The following MAML2 variants were observed in gnomAD, a reference collection of about 807,000 sequenced individuals.
MAML2 encodes mastermind like transcriptional coactivator 2, also known as mastermind-like protein 2.
Under a neutral mutation model 96.1 loss-of-function variants are expected in MAML2, and 22 were observed. That is an observed-to-expected ratio of 0.23 (90% CI 0.16 to 0.33). The LOEUF is 0.33. Among genes scored for constraint, MAML2 ranks in the 10% least tolerant of loss-of-function variants. MAML2 has a pLI of 1.00. For missense variants in MAML2, 1,367 were observed against 1,392.4 expected (o/e 0.98, Z 0.29); for synonymous variants, 561 against 521.3 (o/e 1.08, Z -1.04).
In MAML2 at chr11:95,998,174, G is replaced by GTCTGTCTA. The variant is rs139615820; in HGVS notation, c.2140-6452_2140-6451insTAGACAGA. On this transcript the variant is annotated intron_variant, in intron 2 of 4. Coordinates refer to ENST00000524717, the MANE Select transcript of MAML2 (RefSeq NM_032427.4). ...TGTCTGTCTGTCTGTCTGTCTGTCTGTCTATCTATCTATCCACCCCATCCA... is the reference window on the plus strand; with the variant it reads ...TGTCTGTCTGTCTGTCTGTCTGTCTGTCTGTCTATCTATCTATCTATCCACCCCATCCA... Among the ~76,000 whole-genome samples the GTCTGTCTA allele has an allele frequency of 7.3e-3, 1,082 of 147,726 alleles. 7 individuals are homozygous for GTCTGTCTA. Among genetic ancestry groups the GTCTGTCTA allele is most frequent in the Middle Eastern group, 0.032 (9 of 284 alleles).
At chr11:96,325,630 T>G (rs11021538) in intron 1 of MAML2, among the ~76,000 whole-genome samples, 55,393 of 150,730 alleles carry the variant, frequency 0.37, 10,149 homozygotes, top group African/African-American at 0.42. Context: ...CACTGATCAT[T>G]TTTTTTTTTC....
At chr11:96,002,737 A>AGATGATGGGGATGATGAGGAG (rs2135719370) in intron 2 of MAML2, among the ~76,000 whole-genome samples, 1 of 130,760 alleles carries the variant, frequency 7.6e-6, no homozygotes, top group East Asian at 2.6e-4. Flanking sequence ...ATGATAAGAA[A>AGATGATGGGGATGATGAGGAG]GATGATCGGG....
chr11:96,217,064 C>T (rs1163437040), intron 1 of MAML2, among the ~76,000 whole-genome samples: 1 of 152,104 alleles, frequency 6.6e-6, no homozygotes, highest in Non-Finnish European at 1.5e-5. Context: ...AGAAGCAGAC[C>T]AATATGTTCG....
chr11:96,226,704 T>C (rs1450922202), intron 1 of MAML2, among the ~76,000 whole-genome samples: 1 of 152,226 alleles, frequency 6.6e-6, no homozygotes, highest in African/African-American at 2.4e-5. Flanking sequence ...AATTCTTAAT[T>C]GAGCATATCA....
chr11:96,037,795 C>T (rs1858742450), intron 2 of MAML2, among the ~76,000 whole-genome samples: 1 of 152,172 alleles, frequency 6.6e-6, no homozygotes, highest in Non-Finnish European at 1.5e-5. Flanking sequence ...AGCTTTGTTT[C>T]TGTTTCCTTG....
chr11:96,086,380 A>G (rs114563436), intron 2 of MAML2, among the ~76,000 whole-genome samples: 2,389 of 152,274 alleles, frequency 0.016, 68 homozygotes, highest in African/African-American at 0.053. Flanking sequence ...AGAATGAATG[A>G]ATTTTCTTTA....
chr11:95,991,659 G>C lies in MAML2; in HGVS notation c.2204C>G (p.Pro735Arg). The C allele has an allele frequency of 6.2e-7, 1 of 1,613,764 alleles. No homozygotes were observed. Among genetic ancestry groups the C allele is most frequent in the Non-Finnish European group, 8.5e-7 (1 of 1,179,742 alleles). The stretch of plus-strand genomic sequence containing the variant: ...GTTCATGTAACCACTTCCAGTGTTT[G>C]GATTTGAGCAGGGGTTAGGACTTGG... The part of the protein sequence containing the change: ...PSPSPNPCSN[P>R]NTGSGYMNSQ... The change falls in exon 3 of 5, where the codon CCA becomes CGA. Residue 735 changes from proline to arginine, a missense_variant. By Grantham distance (103) the Pro-to-Arg change is moderately radical. Coordinates refer to ENST00000524717, the MANE Select transcript of MAML2 (RefSeq NM_032427.4).
At chr11:96,035,903 C>T (rs1858703969) in intron 2 of MAML2, among the ~76,000 whole-genome samples, 1 of 152,164 alleles carries the variant, frequency 6.6e-6, no homozygotes, top group South Asian at 2.1e-4. Flanking sequence ...CTCTCTGATA[C>T]ACGTGCTGGG....
intron 2 of MAML2, among the ~76,000 whole-genome samples, chr11:96,026,313 T>C (rs1203133264): frequency 2.0e-5 from 3 of 152,232 alleles, no homozygotes; most frequent in East Asian, 1.9e-4. Flanking sequence ...ATTTTGAATA[T>C]AAGGTGAGTT....
chr11:95,986,612 A>C (rs1857833616), intron 3 of MAML2, among the ~76,000 whole-genome samples: 1 of 152,186 alleles, frequency 6.6e-6, no homozygotes, highest in Non-Finnish European at 1.5e-5. Context: ...TTACCTTCGC[A>C]TAAACAATTC....
At chr11:96,235,230 T>C (rs1000252107) in intron 1 of MAML2, among the ~76,000 whole-genome samples, 51 of 152,270 alleles carry the variant, frequency 3.3e-4, no homozygotes, top group Non-Finnish European at 6.9e-4. Flanking sequence ...ATCAGCAAAC[T>C]ATGACTCAAG....
chr11:96,182,452 C>T (rs1193444219), intron 1 of MAML2, among the ~76,000 whole-genome samples: 2 of 152,120 alleles, frequency 1.3e-5, no homozygotes, highest in Admixed American at 6.5e-5. Context: ...ATCTGATTGA[C>T]ATGATTTCCC....
intron 1 of MAML2, among the ~76,000 whole-genome samples, chr11:96,322,883 G>C (rs1170139493): frequency 6.6e-6 from 1 of 152,184 alleles, no homozygotes; most frequent in East Asian, 1.9e-4. Context: ...GTAGAGTGGA[G>C]AATCACAGTG....
chr11:96,270,151 C>A (rs541785476), intron 1 of MAML2, among the ~76,000 whole-genome samples: 7 of 110,478 alleles, frequency 6.3e-5, no homozygotes, highest in African/African-American at 2.8e-4. Flanking sequence ...TAAAGAGCAA[C>A]CCCATCCTTG....
At chr11:95,980,074 T>G (rs1431148934) in intron 4 of MAML2, 111 bp from the exon 5 acceptor site, 1 of 787,636 alleles carries the variant, frequency 1.3e-6, no homozygotes, top group Admixed American at 2.9e-5. Flanking sequence ...TAAGACAATT[T>G]AGGCGAAATA....
chr11:95,990,414 C>T (rs1222267828), intron 3 of MAML2, among the ~76,000 whole-genome samples: 2 of 152,122 alleles, frequency 1.3e-5, no homozygotes, highest in African/African-American at 2.4e-5. Context: ...TTTATTGTCC[C>T]TAGGTCTTTG....
At position 95,978,522 on chromosome 11, in the gene MAML2, C is replaced by A; in HGVS notation, c.*426G>T. 4.6e-6 allele frequency: 1 copy of A among 217,436 alleles called. No individual in the cohort carries two copies. The allele number at this position is 217,436 out of a possible 1,614,324, so 13.5% of individuals were successfully genotyped here. A position where few individuals can be genotyped will look rare whatever the true frequency, so the allele number is the denominator to read the frequency against. ...AAAAGACACAATGGAAAGATTAAACCATACCTATCTATTAGAGCAAATTAA... is the reference window on the plus strand; with the variant it reads ...AAAAGACACAATGGAAAGATTAAACAATACCTATCTATTAGAGCAAATTAA... On this transcript the variant is annotated 3_prime_UTR_variant, in exon 5 of 5. Transcript: ENST00000524717.
chr11:96,030,997 G>A (rs1858605443), intron 2 of MAML2, among the ~76,000 whole-genome samples: 1 of 152,184 alleles, frequency 6.6e-6, no homozygotes, highest in South Asian at 2.1e-4. Flanking sequence ...AGTCTTGGGA[G>A]ATTTAAGTAC....
At chr11:96,040,780 A>G (rs923874139) in intron 2 of MAML2, among the ~76,000 whole-genome samples, 1 of 152,182 alleles carries the variant, frequency 6.6e-6, no homozygotes, top group Admixed American at 6.5e-5. Flanking sequence ...GAAAAACAAA[A>G]CAAAAGAAAC....
Sources: gnomAD v4.1 joint callset for allele counts (sites outside exome capture counted in the v4.1 genomes callset) on GRCh38, gnomAD v4.1.1 for gene constraint, MANE v1.5 for transcripts, NCBI Gene and HGNC (gene_info 2026-07-23, HGNC 2026-07-21) for gene names.